ERLIN2: variants seen among roughly 807,000 people sequenced by gnomAD.
ERLIN2 encodes the protein erlin-2.
Under a neutral mutation model 41.5 loss-of-function variants are expected in ERLIN2, and 22 were observed. The ratio of observed to expected loss-of-function variants is 0.53; its 90% confidence interval spans 0.38 to 0.76. The LOEUF is 0.76. Among genes scored for constraint, ERLIN2 ranks in the 30% least tolerant of loss-of-function variants. The pLI is 0.00. For missense variants in ERLIN2, 247 were observed against 414.3 expected (o/e 0.60, Z 3.51); for synonymous variants, 149 against 150.9 (o/e 0.99, Z 0.09).
At chr8:37,747,704 A>G (rs930259312) in intron 6 of ERLIN2, 8 of 1,582,850 alleles carry the variant, frequency 5.1e-6, no homozygotes, top group Middle Eastern at 3.3e-4. Flanking sequence ...GATTGGTAGA[A>G]GAGCAGCAGT....
chr8:37,748,030 T>C, intron 6 of ERLIN2: 1 of 1,595,792 alleles, frequency 6.3e-7, no homozygotes, highest in Admixed American at 1.7e-5. Context: ...CCTGAAAAAC[T>C]CTACGCAAAG....
At chr8:37,745,656 A>G (rs2129688060) in intron 6 of ERLIN2, 2 of 1,613,656 alleles carry the variant, frequency 1.2e-6, no homozygotes, top group East Asian at 2.2e-5. Context: ...ACTCATCCAC[A>G]TCGCCAGCAA....
Position 37,741,688 on chromosome 8 carries a change from A to G in ERLIN2, c.190-84A>G. 1 of 1,023,512 alleles carries G rather than the reference A, an allele frequency of 9.8e-7. No homozygotes were observed. Among genetic ancestry groups the G allele is most frequent in the South Asian group, 1.3e-5 (1 of 78,712 alleles). The allele number at this position is 1,023,512 out of a possible 1,614,324, so 63.4% of individuals were successfully genotyped here. A position where few individuals can be genotyped will look rare whatever the true frequency, so the allele number is the denominator to read the frequency against. ...CATGCTCAACCCAAACAGTTATTCC[A>G]GGACAAAGGCATTTAGGATTCTGAA... On this transcript the variant is annotated intron_variant, in intron 3 of 11. Transcript: ENST00000519638. This position sits in a 1 kb window ranked among gnomAD's most constrained non-coding sequence, Gnocchi z 4.8.
At chr8:37,750,571 G>T in intron 9 of ERLIN2, 85 bp downstream of exon 9, 1 of 1,132,222 alleles carries the variant, frequency 8.8e-7, no homozygotes, top group Non-Finnish European at 1.3e-6. Context: ...GGCCTGGTGA[G>T]ACCCCATGGT....
chr8:37,750,554 A>G, intron 9 of ERLIN2, 68 bp downstream of exon 9: 1 of 1,343,830 alleles, frequency 7.4e-7, no homozygotes, highest in South Asian at 1.2e-5. Context: ...AGATGCAAGG[A>G]GGCTAAGGCC....
Position 37,737,990 on chromosome 8 carries a change from T to C in ERLIN2, c.68T>C (p.Val23Ala). 1 of 1,614,162 alleles carries C rather than the reference T, an allele frequency of 6.2e-7. No individual in the cohort carries two copies. Among genetic ancestry groups the C allele is most frequent in the Non-Finnish European group, 8.5e-7 (1 of 1,180,004 alleles). ...TTTTGTGCATCTCTCTTCTCAGCTG[T>C]GCACAAGATAGAAGAGGGACATATT... ...SFFCASLFSA[V>A]HKIEEGHIGV... Residue 23 changes from valine (V) to alanine (A), a missense_variant, in exon 2 of 12, where the codon GTG (valine) becomes GCG (alanine). This residue lies in a region of ERLIN2 where 93 missense variants were observed against 139.0 expected (regional missense o/e 0.67). Transcript: ENST00000519638.
rs946025532 is a variant in ERLIN2, at chr8:37,740,598, A to G, written c.189+152A>G. ...TATACATATTATATATATATAATAT[A>G]TATATATATACACACATACACTATA... On this transcript the variant is annotated intron_variant, in intron 3 of 11. Transcript: ENST00000519638. The G allele has an allele frequency of 2.4e-5, 5 of 209,444 alleles. No individual in the cohort carries two copies. In the East Asian group the frequency reaches 5.5e-4, roughly 23 times the overall value. 13.0% of individuals were successfully genotyped at this position (209,444 alleles called of 1,614,324 possible).
intron 10 of ERLIN2, 146 bp from the exon 11 acceptor site, chr8:37,753,304 G>T: frequency 1.4e-6 from 1 of 709,042 alleles, no homozygotes; most frequent in Non-Finnish European, 2.6e-6. Flanking sequence ...AAAACACAGA[G>T]GAAAAAGCAG....
chr8:37,742,629 G>A (rs1261755413), intron 4 of ERLIN2, among the ~76,000 whole-genome samples: 2 of 152,064 alleles, frequency 1.3e-5, no homozygotes, highest in Non-Finnish European at 2.9e-5. Flanking sequence ...ACATGGAGGG[G>A]AACAACACAC....
rs1803310853 is a variant in ERLIN2 at position 37,754,516 on chromosome 8, G to A, written c.*401G>A. The A allele has an allele frequency of 3.5e-6, 1 of 285,742 alleles. No individual in the cohort carries two copies. The highest frequency in any genetic ancestry group is 6.8e-6 in the Non-Finnish European group (1 of 146,554). The allele number at this position is 285,742 out of a possible 1,614,324, so 17.7% of individuals were successfully genotyped here. A position where few individuals can be genotyped will look rare whatever the true frequency, so the allele number is the denominator to read the frequency against. On this transcript the variant is annotated 3_prime_UTR_variant, in exon 12 of 12. Transcript: ENST00000519638. ...CCAGTGTTCTCACCTCTGCCTCCAAGGTAGGAGATGTCTGTGGGTGAGGCT... is the reference window on the plus strand; with the variant it reads ...CCAGTGTTCTCACCTCTGCCTCCAAAGTAGGAGATGTCTGTGGGTGAGGCT...
intron 6 of ERLIN2, chr8:37,747,611 A>G (rs751415732): frequency 5.0e-6 from 8 of 1,611,750 alleles, no homozygotes; most frequent in African/African-American, 1.3e-5. Flanking sequence ...TTCTGAGTAT[A>G]TATGTTCGTT....
rs1802810786 is a variant in ERLIN2, at chr8:37,740,433, A to G, written c.176A>G (p.Tyr59Cys). 1 of 1,612,982 alleles carries G rather than the reference A, an allele frequency of 6.2e-7. No homozygotes were observed. Among genetic ancestry groups the G allele is most frequent in the East Asian group, 2.2e-5 (1 of 44,790 alleles). ...CTCATGCTCCCTTTCATCACATCAT[A>G]TAAGTCTGTGCAGGTATGCTTGGCC... ...FHLMLPFITSYKSVQTTLQTD... is the reference protein window; with the variant it reads ...FHLMLPFITSCKSVQTTLQTD... The change falls in exon 3 of 12, where the codon TAT becomes TGT. Residue 59 changes from tyrosine (Y) to cysteine (C), a missense_variant. Coordinates refer to ENST00000519638, the MANE Select transcript of ERLIN2 (RefSeq NM_007175.8).
Position 37,745,377 on chromosome 8 carries a change from G to A in ERLIN2, c.424+681G>A, listed in dbSNP as rs1038395771. ...AGATTCCACGTGCCTAAGTAGATAT[G>A]TTTTGTCCTTTTTACCTTTTTCAAA... On this transcript the variant is annotated intron_variant, in intron 6 of 11. Coordinates refer to ENST00000519638, the MANE Select transcript of ERLIN2 (RefSeq NM_007175.8). 15 of 623,794 alleles carry A rather than the reference G, an allele frequency of 2.4e-5. No homozygotes were observed. The East Asian group carries it at 2.5e-4, about 10-fold the overall frequency. 38.6% of individuals were successfully genotyped at this position (623,794 alleles called of 1,614,324 possible).
At chr8:37,740,324 T>G (rs553560062) in intron 2 of ERLIN2, 41 bp from the exon 3 acceptor site, 2 of 1,460,354 alleles carry the variant, frequency 1.4e-6, no homozygotes, top group East Asian at 2.3e-5. Context: ...AGAGCCTTCT[T>G]GCCAAACTGA....
intron 4 of ERLIN2, among the ~76,000 whole-genome samples, chr8:37,743,095 C>A (rs900672065): frequency 2.0e-5 from 3 of 152,154 alleles, no homozygotes; most frequent in African/African-American, 7.2e-5. Flanking sequence ...CCCACAAGAT[C>A]GCAGGCCTGA....
rs981827959 is a variant in ERLIN2, at chr8:37,741,547, C to T, written c.190-225C>T. ...TGTCATCTTCACTAAACCATTATTA[C>T]TCAGCTTGTTGATGTGGTGGTTCAC... On this transcript the variant is annotated intron_variant, in intron 3 of 11. Coordinates refer to ENST00000519638, the MANE Select transcript of ERLIN2 (RefSeq NM_007175.8). This position sits in a 1 kb window ranked among gnomAD's most constrained non-coding sequence, Gnocchi z 4.8. Among the ~76,000 whole-genome samples the T allele has an allele frequency of 2.0e-5, 3 of 152,182 alleles. No homozygotes were observed. Among genetic ancestry groups the T allele is most frequent in the Non-Finnish European group, 4.4e-5 (3 of 68,038 alleles).
At position 37,756,788 on chromosome 8, in the gene ERLIN2, G is replaced by GTAAT. The variant is rs1190830207; in HGVS notation, c.*2674_*2677dup. 1 of 152,614 alleles carries GTAAT rather than the reference G, an allele frequency of 6.6e-6. No individual in the cohort carries two copies. The highest frequency in any genetic ancestry group is 1.5e-5 in the Non-Finnish European group (1 of 68,028). 9.5% of individuals were successfully genotyped at this position (152,614 alleles called of 1,614,324 possible). On this transcript the variant is annotated 3_prime_UTR_variant, in exon 12 of 12. Coordinates refer to ENST00000519638, the MANE Select transcript of ERLIN2 (RefSeq NM_007175.8). ...AGCCTGCAATTTTGTAGACAGTGAA[G>GTAAT]TAATGGCTGCTATTTATAAATGGAA... is the stretch of plus-strand genomic sequence containing the variant.
intron 6 of ERLIN2, among the ~76,000 whole-genome samples, chr8:37,746,810 G>C (rs1361509604): frequency 6.6e-6 from 1 of 152,178 alleles, no homozygotes; most frequent in African/African-American, 2.4e-5. Context: ...GCAGATTCTG[G>C]TTTTTAGTGG....
At chr8:37,740,485 A>G in intron 3 of ERLIN2, 39 bp downstream of exon 3, 1 of 1,501,366 alleles carries the variant, frequency 6.7e-7, no homozygotes, top group Non-Finnish European at 9.3e-7. Context: ...ACGACTGCAA[A>G]CTTGGGCTGT....
Sources: gnomAD v4.1 joint callset for allele counts (sites outside exome capture counted in the v4.1 genomes callset) on GRCh38, gnomAD v4.1.1 for gene constraint, gnomAD v4.1.1 regional missense constraint, Gnocchi (gnomAD v3.1) non-coding constraint, MANE v1.5 for transcripts, NCBI Gene and HGNC (gene_info 2026-07-23, HGNC 2026-07-21) for gene names.